The following RSU1 variants were observed in gnomAD, a reference collection of about 807,000 sequenced individuals.
The protein encoded by RSU1 is rsu-1.
Under a neutral mutation model 31.1 loss-of-function variants are expected in RSU1, and 26 were observed. The ratio of observed to expected loss-of-function variants is 0.84; its 90% CI spans 0.61 to 1.16. The LOEUF (loss-of-function observed/expected upper bound fraction) is 1.16, where lower values mean the gene tolerates loss of function less well. RSU1 is among the 50% of genes most tolerant of loss of function. The pLI is 0.00. For missense variants in RSU1, 320 were observed against 339.1 expected (o/e 0.94, Z 0.44); for synonymous variants, 164 against 136.3 (o/e 1.20, Z -1.41).
chr10:16,680,792 A>G (rs1210200848), intron 8 of RSU1, among the ~76,000 whole-genome samples: 2 of 152,210 alleles, frequency 1.3e-5, no homozygotes, highest in African/African-American at 4.8e-5. Context: ...GCATTTCAAC[A>G]TGAGATTTGG....
chr10:16,627,124 G>T (rs1305534269), intron 8 of RSU1, among the ~76,000 whole-genome samples: 1 of 152,230 alleles, frequency 6.6e-6, no homozygotes, highest in Non-Finnish European at 1.5e-5. Context: ...CAGTTCTAGT[G>T]TGAGTAGCTA....
chr10:16,616,371 CAAAAAAAAA>C (rs529296931), intron 8 of RSU1, among the ~76,000 whole-genome samples: 27,430 of 92,032 alleles, frequency 0.3, 3,309 homozygotes, highest in African/African-American at 0.37. Context: ...GCCTACCAAC[CAAAAAAAAA>C]AAAAAAAAAA....
intron 2 of RSU1, among the ~76,000 whole-genome samples, chr10:16,783,178 T>C (rs897862955): frequency 1.3e-5 from 2 of 152,134 alleles, no homozygotes; most frequent in African/African-American, 4.8e-5. Context: ...CCCAAAGTGC[T>C]GGGATTACAG....
chr10:16,655,308 A>G (rs1377735044), intron 8 of RSU1, among the ~76,000 whole-genome samples: 3 of 152,314 alleles, frequency 2.0e-5, no homozygotes, highest in South Asian at 2.1e-4. Flanking sequence ...TAAATAAAGT[A>G]AAAGACAAAA....
intron 7 of RSU1, among the ~76,000 whole-genome samples, chr10:16,721,026 T>C (rs1332062448): frequency 6.6e-6 from 1 of 152,108 alleles, no homozygotes; most frequent in East Asian, 1.9e-4. Flanking sequence ...AATAAATAAA[T>C]AGAGTATCTG....
chr10:16,719,765 G>A (rs545424429), intron 7 of RSU1, among the ~76,000 whole-genome samples: 1 of 152,304 alleles, frequency 6.6e-6, no homozygotes, highest in South Asian at 2.1e-4. Flanking sequence ...TGCTATGTCT[G>A]CGCTCCTATC....
chr10:16,745,244 T>TACTC (rs2131613787), intron 7 of RSU1, among the ~76,000 whole-genome samples: 1 of 152,338 alleles, frequency 6.6e-6, no homozygotes, highest in Admixed American at 6.5e-5. Context: ...TGAGCAGCTG[T>TACTC]ACTCATTCCT....
chr10:16,812,413 G>A (rs1163392979), intron 2 of RSU1, among the ~76,000 whole-genome samples: 1 of 152,174 alleles, frequency 6.6e-6, no homozygotes, highest in Non-Finnish European at 1.5e-5. Flanking sequence ...CTGCACTCCA[G>A]CCTGGGCAAC....
intron 8 of RSU1, among the ~76,000 whole-genome samples, chr10:16,673,777 CTT>C (rs1835167230): frequency 6.6e-6 from 1 of 152,180 alleles, no homozygotes. Flanking sequence ...CTGAGGGACT[CTT>C]TATGCTCGCT....
intron 8 of RSU1, among the ~76,000 whole-genome samples, chr10:16,635,926 G>A (rs1301533641): frequency 6.6e-6 from 1 of 152,134 alleles, no homozygotes; most frequent in African/African-American, 2.4e-5. Flanking sequence ...TGGGCAAAGC[G>A]AACAACGTTT....
chr10:16,619,282 A>G (rs1588677607), intron 8 of RSU1, among the ~76,000 whole-genome samples: 1 of 152,356 alleles, frequency 6.6e-6, no homozygotes, highest in East Asian at 1.9e-4. Context: ...TATGTGACAG[A>G]GAGTAGCATG....
chr10:16,710,360 G>C (rs1178173038), intron 7 of RSU1, among the ~76,000 whole-genome samples: 1 of 152,164 alleles, frequency 6.6e-6, no homozygotes, highest in African/African-American at 2.4e-5. Context: ...AGTAATACTT[G>C]ATCACAGTGA....
chr10:16,669,419 TC>T (rs1835064555), intron 8 of RSU1, among the ~76,000 whole-genome samples: 1 of 152,052 alleles, frequency 6.6e-6, no homozygotes, highest in African/African-American at 2.4e-5. Flanking sequence ...TTTCATTAAT[TC>T]CCCTTTTGGA....
chr10:16,670,476 G>A (rs1020567432), intron 8 of RSU1, among the ~76,000 whole-genome samples: 1 of 152,174 alleles, frequency 6.6e-6, no homozygotes, highest in Non-Finnish European at 1.5e-5. Flanking sequence ...TGTTGCTGCA[G>A]TATTCTGGGC....
chr10:16,633,309 G>A (rs1308065659), intron 8 of RSU1, among the ~76,000 whole-genome samples: 1 of 152,134 alleles, frequency 6.6e-6, no homozygotes, highest in Non-Finnish European at 1.5e-5. Context: ...CCGAACATGG[G>A]AAACGAGTTG....
At chr10:16,711,350 C>G (rs935099631) in intron 7 of RSU1, among the ~76,000 whole-genome samples, 2 of 151,730 alleles carry the variant, frequency 1.3e-5, no homozygotes, top group African/African-American at 4.8e-5. Context: ...AAAACCAACT[C>G]TTCGTTTTCT....
chr10:16,605,424 T>G (rs1396130886), intron 8 of RSU1, among the ~76,000 whole-genome samples: 3 of 152,204 alleles, frequency 2.0e-5, no homozygotes, highest in African/African-American at 7.2e-5. Flanking sequence ...TTAATGAAAG[T>G]GTGTATAGCT....
intron 2 of RSU1, among the ~76,000 whole-genome samples, chr10:16,794,983 A>G (rs1159045634): frequency 1.3e-5 from 2 of 152,234 alleles, no homozygotes; most frequent in Non-Finnish European, 2.9e-5. Flanking sequence ...AAAGAGAGAA[A>G]AAAGATTATT....
At chr10:16,773,807 A>T (rs1564352325) in intron 3 of RSU1, among the ~76,000 whole-genome samples, 3 of 152,202 alleles carry the variant, frequency 2.0e-5, no homozygotes, top group Admixed American at 2.0e-4. Context: ...AGGGCTTCAC[A>T]GAGAAAGATG....
Sources: allele counts gnomAD v4.1 joint callset (sites outside exome capture counted in the v4.1 genomes callset), GRCh38; gene constraint gnomAD v4.1.1; transcripts MANE v1.5; gene names NCBI Gene and HGNC (gene_info 2026-07-23, HGNC 2026-07-21).